Variants in KLHL30 observed in about 807,000 individuals in gnomAD.
KLHL30 encodes kelch-like protein 30.
In KLHL30, 55 loss-of-function variants were observed where a neutral mutation model predicts 55.0. That is an observed-to-expected ratio of 1.00 (90% CI 0.80 to 1.25). The LOEUF (loss-of-function observed/expected upper bound fraction) is 1.25, where lower values mean the gene tolerates loss of function less well. Among genes scored for constraint, KLHL30 ranks in the 50% most tolerant of loss-of-function variants. KLHL30 has a pLI of 0.00. For missense variants in KLHL30, 786 were observed against 811.6 expected, an observed-to-expected ratio of 0.97 and a Z score of 0.38; for synonymous variants, 356 against 372.6, an observed-to-expected ratio of 0.96 and a Z score of 0.51.
In KLHL30 at chr2:238,144,927, C is replaced by T; in HGVS notation, c.933C>T (p.Phe311=). ...KAKRWMALPD[F]PDYHKWGFSL... is the part of the protein sequence containing the mutation. Reference sequence around the variant, plus strand: ...AGAGGTGGATGGCACTTCCAGACTTCCCCGACTATCACAAGTGGGGTTTCT... The same window carrying T: ...AGAGGTGGATGGCACTTCCAGACTTTCCCGACTATCACAAGTGGGGTTTCT... The change falls in exon 4 of 8, where the codon TTC becomes TTT. Residue 311 remains phenylalanine, a synonymous_variant. Transcript: ENST00000409223. 6.2e-7 allele frequency: 1 copy of T among 1,611,512 alleles called. No homozygotes were observed. The highest frequency in any genetic ancestry group is 1.7e-4 in the Middle Eastern group (1 of 6,060).
chr2:238,140,706 C>T lies in KLHL30; in HGVS notation c.-49C>T, dbSNP rs1692514828. The T allele has an allele frequency of 1.4e-6, 2 of 1,458,422 alleles. No individual in the cohort carries two copies. The highest frequency in any genetic ancestry group is 1.8e-6 in the Non-Finnish European group (2 of 1,099,452). 90.3% of individuals were successfully genotyped at this position (1,458,422 alleles called of 1,614,324 possible). ...CTAGGAGCTCGGGCGGCTCCAGGCA[C>T]TTCTTCCCTTGAGTGGGTGGACTAC... On this transcript the variant is annotated 5_prime_UTR_variant, in exon 2 of 8. Transcript: ENST00000409223.
In KLHL30 at chr2:238,144,965, T is replaced by A. The variant is rs199907191; in HGVS notation, c.971T>A (p.Leu324Gln). The change falls in exon 4 of 8, where the codon CTG becomes CAG. Residue 324 changes from leucine (L) to glutamine (Q), a missense_variant. Coordinates refer to ENST00000409223, the MANE Select transcript of KLHL30 (RefSeq NM_198582.4). ...AAGTGGGGTTTCTCCCTGGCGGCCC[T>A]GAACAACAACATCTATGTCACAGGT... ...YHKWGFSLAALNNNIYVTGGS... is the reference protein window; with the variant it reads ...YHKWGFSLAAQNNNIYVTGGS... 170 of 1,608,746 alleles carry A rather than the reference T, an allele frequency of 1.1e-4. 1 individual carries two copies. The African/African-American group carries it at 2.2e-3, about 20-fold the overall frequency.
At chr2:238,144,414 G>GGAAGGAAGGAAGGAAGGAAGGAAGGAAT (rs1692602637) in intron 3 of KLHL30, among the ~76,000 whole-genome samples, 2 of 120,762 alleles carry the variant, frequency 1.7e-5, no homozygotes, top group South Asian at 2.4e-4. Flanking sequence ...AAGGAAGGAA[G>GGAAGGAAGGAAGGAAGGAAGGAAGGAAT]GAAGGAAGGA....
Position 238,147,104 on chromosome 2 carries a change from A to C in KLHL30, c.1151-730A>C, listed in dbSNP as rs1692661766. 6.7e-6 allele frequency among the ~76,000 whole-genome samples: 1 copy of C among 149,566 alleles called. No homozygotes were observed. ...TGAGGCTGCAATGAGCTGTAATCGCACCACTGCACTTCAGCCTGGGTGACC... is the reference window on the plus strand; with the variant it reads ...TGAGGCTGCAATGAGCTGTAATCGCCCCACTGCACTTCAGCCTGGGTGACC... On this transcript the variant is annotated intron_variant, in intron 5 of 7. Coordinates refer to ENST00000409223, the MANE Select transcript of KLHL30 (RefSeq NM_198582.4). The surrounding 1 kb of genome is among the most constrained non-coding windows in gnomAD (Gnocchi z 5.8).
intron 5 of KLHL30, 42 bp downstream of exon 5, chr2:238,145,874 G>C (rs1264690820): frequency 6.5e-7 from 1 of 1,528,666 alleles, no homozygotes. Flanking sequence ...CCTGGTTCTA[G>C]CCTCTCATCC....
chr2:238,146,776 C>T (rs893649927), intron 5 of KLHL30, among the ~76,000 whole-genome samples: 8 of 151,422 alleles, frequency 5.3e-5, no homozygotes, highest in Non-Finnish European at 1.2e-4. Flanking sequence ...AATCTCAGCA[C>T]TTTGGGAGGC....
At chr2:238,145,124 G>C in intron 4 of KLHL30, 136 bp downstream of exon 4, 2 of 743,182 alleles carry the variant, frequency 2.7e-6, no homozygotes, top group Admixed American at 4.4e-5. Context: ...TGAAAACAAG[G>C]ACATTTAAAA....
chr2:238,145,394 C>T (rs965263825), intron 4 of KLHL30, among the ~76,000 whole-genome samples: 18 of 152,188 alleles, frequency 1.2e-4, no homozygotes, highest in African/African-American at 4.3e-4. Flanking sequence ...GGTCACTTTG[C>T]TCTTTCCTAT....
At chr2:238,140,335 G>A (rs962714016) in intron 1 of KLHL30, among the ~76,000 whole-genome samples, 1 of 152,194 alleles carries the variant, frequency 6.6e-6, no homozygotes, top group Non-Finnish European at 1.5e-5. Context: ...GGGAGTTTGG[G>A]TGTCTCCGGG....
At position 238,138,750 on chromosome 2, in the gene KLHL30, G is replaced by C. The variant is rs1018377270; in HGVS notation, c.-79G>C. The stretch of plus-strand genomic sequence containing the variant: ...TGTTCTCAGCTTCGAGGTCCAGGCT[G>C]AGTGAGAGGTAGGATCCAGGGGGCT... On this transcript the variant is annotated 5_prime_UTR_variant, in exon 1 of 8. Coordinates refer to ENST00000409223, the MANE Select transcript of KLHL30 (RefSeq NM_198582.4). 6.5e-6 allele frequency: 1 copy of C among 152,832 alleles called. No homozygotes were observed. The highest frequency in any genetic ancestry group is 2.4e-5 in the African/African-American group (1 of 41,478). The allele number at this position is 152,832 out of a possible 1,614,324, so 9.5% of individuals were successfully genotyped here.
chr2:238,142,484 G>C (rs1287473629), intron 2 of KLHL30, among the ~76,000 whole-genome samples: 2 of 152,176 alleles, frequency 1.3e-5, no homozygotes, highest in Non-Finnish European at 2.9e-5. Context: ...AAGACAGCCA[G>C]CATTTCCCAC....
rs1692679421 is a variant in KLHL30 at position 238,148,009 on chromosome 2, CA to C, written c.1328del (p.Asn443ThrfsTer9). ...KYNALALQCY[N>X]PVTDAWSVIA... ...ACAACGCCCTGGCCCTGCAGTGCTA[CA>C]ACCCTGTCACAGGTGGGTGGGGCTC... On this transcript the variant is annotated frameshift_variant, in exon 6 of 8. Coordinates refer to ENST00000409223, the MANE Select transcript of KLHL30 (RefSeq NM_198582.4). LOFTEE classifies it high-confidence loss of function. The C allele has an allele frequency of 6.8e-7, 1 of 1,476,006 alleles. No individual in the cohort carries two copies. Among genetic ancestry groups the C allele is most frequent in the African/African-American group, 1.4e-5 (1 of 70,278 alleles). The allele number at this position is 1,476,006 out of a possible 1,614,324, so 91.4% of individuals were successfully genotyped here.
rs1559275987 is a variant in KLHL30 at position 238,144,424 on chromosome 2, A to AGGC, written c.908-478_908-477insGGC. ...GAAGGAAGGAAGGAAGGAAGGAAGG[A>AGGC]AGGAAGGAAGGCAGGCAGGCAGGCA... On this transcript the variant is annotated intron_variant, in intron 3 of 7. Transcript: ENST00000409223. Among the ~76,000 whole-genome samples the AGGC allele has an allele frequency of 5.9e-3, 487 of 82,296 alleles. 4 individuals carry two copies. The highest frequency in any genetic ancestry group is 0.01 in the African/African-American group (232 of 22,356). The allele number at this position is 82,296 out of a possible 152,430, so 54.0% of individuals were successfully genotyped here. A position where few individuals can be genotyped will look rare whatever the true frequency, so the allele number is the denominator to read the frequency against.
intron 5 of KLHL30, among the ~76,000 whole-genome samples, chr2:238,146,402 AT>A (rs1692649263): frequency 6.7e-6 from 1 of 150,128 alleles, no homozygotes. Context: ...TTATTTATGT[AT>A]TTTTTATTTT....
At chr2:238,139,063 G>C (rs947198610) in intron 1 of KLHL30, among the ~76,000 whole-genome samples, 1 of 152,188 alleles carries the variant, frequency 6.6e-6, no homozygotes, top group Non-Finnish European at 1.5e-5. Flanking sequence ...TTGTTGTCCT[G>C]CCCACTCGGC....
At position 238,140,789 on chromosome 2, in the gene KLHL30, T is replaced by C. The variant is rs755879293; in HGVS notation, c.35T>C (p.Leu12Pro). The C allele has an allele frequency of 2.5e-5, 40 of 1,571,006 alleles. No individual in the cohort carries two copies. The highest frequency in any genetic ancestry group is 3.6e-5 in the Admixed American group (2 of 55,096). The change falls in exon 2 of 8, where the codon CTG (leucine) becomes CCG (proline). Residue 12 changes from leucine (L) to proline (P), a missense_variant. Physicochemically the swap from Leu to Pro is moderately conservative, Grantham distance 98 (BLOSUM62 -3). Transcript: ENST00000409223. The stretch of plus-strand genomic sequence containing the variant: ...AACGTGGATGACCTGGATTTCCACC[T>C]GCCCTCGCATGCCCAGGACATGCTG... ...VRNVDDLDFH[L>P]PSHAQDMLDG... is the part of the protein sequence containing the mutation.
Position 238,151,045 on chromosome 2 carries a change from G to A in KLHL30, c.1717G>A (p.Gly573Ser), listed in dbSNP as rs747062547. 80 of 1,592,382 alleles carry A rather than the reference G, an allele frequency of 5.0e-5. No individual in the cohort carries two copies. Among genetic ancestry groups the A allele is most frequent in the Non-Finnish European group, 6.1e-5 (71 of 1,170,612 alleles). The change falls in exon 8 of 8, where the codon GGC becomes AGC. Residue 573 changes from glycine (G) to serine (S), a missense_variant. Transcript: ENST00000409223. Reference sequence around the variant, plus strand: ...TGTCTCCAAGTGGACCCAGCCCTCCGGCCCCACCCAGGAGCACTAAACCAG... The same window carrying A: ...TGTCTCCAAGTGGACCCAGCCCTCCAGCCCCACCCAGGAGCACTAAACCAG... Reference protein sequence around the residue: ...LDVSKWTQPSGPTQEH With the variant: ...LDVSKWTQPSSPTQEH
Position 238,147,982 on chromosome 2 carries a change from G to A in KLHL30, c.1299G>A (p.Lys433=). The A allele has an allele frequency of 6.5e-7, 1 of 1,548,948 alleles. No individual in the cohort carries two copies. Among genetic ancestry groups the A allele is most frequent in the Non-Finnish European group, 8.7e-7 (1 of 1,147,500 alleles). The part of the protein sequence containing the change: ...RLYLVGSSAC[K]YNALALQCYN... ...ACCTGGTGGGCTCCAGCGCCTGCAA[G>A]TACAACGCCCTGGCCCTGCAGTGCT... The change falls in exon 6 of 8, where the codon AAG becomes AAA. Residue 433 remains lysine, a synonymous_variant. Coordinates refer to ENST00000409223, the MANE Select transcript of KLHL30 (RefSeq NM_198582.4). The surrounding 1 kb of genome is among the most constrained non-coding windows in gnomAD (Gnocchi z 5.8).
intron 4 of KLHL30, 108 bp downstream of exon 4, chr2:238,145,096 G>A (rs972629771): frequency 1.3e-4 from 117 of 898,190 alleles, no homozygotes; most frequent in Non-Finnish European, 2.0e-4. Context: ...AAGGCTTGCC[G>A]AGGCCTTTCC....
Sources: gnomAD v4.1 joint callset for allele counts (sites outside exome capture counted in the v4.1 genomes callset) on GRCh38, gnomAD v4.1.1 for gene constraint, Gnocchi (gnomAD v3.1) non-coding constraint, MANE v1.5 for transcripts, NCBI Gene and HGNC (gene_info 2026-07-23, HGNC 2026-07-21) for gene names.